Variants in COBL observed in about 807,000 individuals in gnomAD.
COBL encodes the protein cordon-bleu WH2 repeat protein.
COBL carries 51 observed loss-of-function variants against 98.8 expected under a neutral mutation model. The ratio of observed to expected loss-of-function variants is 0.52; its 90% confidence interval spans 0.41 to 0.65. The LOEUF is 0.65. Ranked by LOEUF, COBL falls within the 30% of genes least tolerant of loss-of-function variation. The pLI is 0.00. For missense variants in COBL, 1,617 were observed against 1,617.5 expected (o/e 1.00, Z 0.01); for synonymous variants, 634 against 651.7 (o/e 0.97, Z 0.41).
chr7:51,101,295 G>C (rs919781535), intron 6 of COBL, among the ~76,000 whole-genome samples: 14 of 152,218 alleles, frequency 9.2e-5, no homozygotes, highest in African/African-American at 3.1e-4. Flanking sequence ...TCTGGTAGAT[G>C]TATTTAGAGA....
chr7:51,100,060 T>C (rs1242383299), intron 6 of COBL, among the ~76,000 whole-genome samples: 1 of 152,208 alleles, frequency 6.6e-6, no homozygotes, highest in African/African-American at 2.4e-5. Flanking sequence ...TCCTGCCTAT[T>C]ATTTCCACCC....
At chr7:51,282,542 C>T (rs766980997) in intron 1 of COBL, among the ~76,000 whole-genome samples, 2 of 151,982 alleles carry the variant, frequency 1.3e-5, no homozygotes, top group African/African-American at 2.4e-5. Flanking sequence ...CTTCAATACA[C>T]CTGACAATGA....
chr7:51,175,857 T>A (rs1349304291), intron 5 of COBL, among the ~76,000 whole-genome samples: 2 of 152,212 alleles, frequency 1.3e-5, no homozygotes, highest in Admixed American at 6.5e-5. Context: ...GCTTATGGGC[T>A]CAGAGACAGC....
intron 1 of COBL, among the ~76,000 whole-genome samples, chr7:51,260,873 C>T (rs1797651217): frequency 6.6e-6 from 1 of 152,134 alleles, no homozygotes; most frequent in Admixed American, 6.5e-5. Flanking sequence ...TAACAGGGCA[C>T]TTGCATTTAG....
At chr7:51,235,171 T>C (rs1795133068) in intron 1 of COBL, among the ~76,000 whole-genome samples, 1 of 152,166 alleles carries the variant, frequency 6.6e-6, no homozygotes, top group Admixed American at 6.5e-5. Context: ...CCCAACCTGT[T>C]GACAGCCCAC....
chr7:51,201,540 A>G (rs1791125885), intron 2 of COBL, among the ~76,000 whole-genome samples: 1 of 152,198 alleles, frequency 6.6e-6, no homozygotes, highest in Non-Finnish European at 1.5e-5. Context: ...TTTACTCTCT[A>G]TAATGGATAG....
At chr7:51,101,096 C>T (rs1405401937) in intron 6 of COBL, among the ~76,000 whole-genome samples, 1 of 152,206 alleles carries the variant, frequency 6.6e-6, no homozygotes, top group Non-Finnish European at 1.5e-5. Context: ...TCTGGAAGTT[C>T]TTCTCCCAAA....
intron 1 of COBL, among the ~76,000 whole-genome samples, chr7:51,234,809 G>A (rs1351081301): frequency 1.3e-5 from 2 of 152,162 alleles, no homozygotes; most frequent in South Asian, 2.1e-4. Context: ...CTAGACCAGG[G>A]CACATGCTGT....
intron 3 of COBL, among the ~76,000 whole-genome samples, chr7:51,192,521 G>A (rs954622673): frequency 3.9e-5 from 6 of 152,118 alleles, no homozygotes; most frequent in African/African-American, 1.4e-4. Flanking sequence ...CAGAAGAACT[G>A]CTTGAACCTG....
Position 51,310,679 on chromosome 7 carries a change from T to C in COBL, c.41+5914A>G, listed in dbSNP as rs573184039. 4.6e-5 allele frequency among the ~76,000 whole-genome samples: 7 copies of C among 152,344 alleles called. No individual in the cohort carries two copies. The East Asian group carries it at 9.6e-4, about 21-fold the overall frequency. ...TTTGTTTTGTTTGGTTTGGTTTTTT[T>C]GAGACAGAGTCTCTTTCTGTCATCA... On this transcript the variant is annotated intron_variant, in intron 1 of 12. Coordinates refer to ENST00000265136, the MANE Select transcript of COBL (RefSeq NM_015198.5).
At chr7:51,186,325 T>C (rs1766668745) in intron 4 of COBL, among the ~76,000 whole-genome samples, 1 of 152,206 alleles carries the variant, frequency 6.6e-6, no homozygotes, top group Admixed American at 6.5e-5. Context: ...GCATATTGAA[T>C]GCATAGCACT....
chr7:51,229,101 C>T (rs1027303416), intron 1 of COBL, among the ~76,000 whole-genome samples: 1 of 152,154 alleles, frequency 6.6e-6, no homozygotes, highest in African/African-American at 2.4e-5. Flanking sequence ...GGCTTTCTAC[C>T]GCACAGCCAA....
rs1354544980 is a variant in COBL, at chr7:51,190,845, C to G, written c.685+5G>C. ...GCAGGTGCGTGAGACGCAGCGGGGC[C>G]TCACCTCTTCTGTTGTCCCACGCGT... On this transcript the variant is annotated splice_donor_5th_base_variant and intron_variant, in intron 4 of 12. Coordinates refer to ENST00000265136, the MANE Select transcript of COBL (RefSeq NM_015198.5). 3 of 1,612,548 alleles carry G rather than the reference C, an allele frequency of 1.9e-6. No homozygotes were observed. The highest frequency in any genetic ancestry group is 3.3e-5 in the Admixed American group (2 of 59,956).
intron 1 of COBL, among the ~76,000 whole-genome samples, chr7:51,253,942 C>T (rs909812409): frequency 1.3e-5 from 2 of 152,004 alleles, no homozygotes; most frequent in Non-Finnish European, 2.9e-5. Context: ...ATTCTGTTTT[C>T]TGAATATATA....
chr7:51,183,002 C>G (rs1236512897), intron 5 of COBL, among the ~76,000 whole-genome samples: 3 of 152,194 alleles, frequency 2.0e-5, no homozygotes, highest in African/African-American at 7.2e-5. Context: ...CGTGCTGGCT[C>G]TGCACGCAGA....
At chr7:51,018,578 T>A (rs1418301145) in intron 12 of COBL, among the ~76,000 whole-genome samples, 1 of 151,938 alleles carries the variant, frequency 6.6e-6, no homozygotes, top group South Asian at 2.1e-4. Context: ...TGTATCCCAA[T>A]ACAAATTCGT....
chr7:51,059,619 G>A (rs1412801651), intron 7 of COBL, among the ~76,000 whole-genome samples: 1 of 118,742 alleles, frequency 8.4e-6, no homozygotes, highest in African/African-American at 3.2e-5. Context: ...GGGATTGTTT[G>A]TAGATCAAAC....
At chr7:51,270,167 G>A (rs1288200779) in intron 1 of COBL, among the ~76,000 whole-genome samples, 1 of 152,142 alleles carries the variant, frequency 6.6e-6, no homozygotes, top group Non-Finnish European at 1.5e-5. Flanking sequence ...GAGCACACAG[G>A]GCTTGGCTGG....
At chr7:51,298,532 C>G (rs1178503474) in intron 1 of COBL, among the ~76,000 whole-genome samples, 1 of 152,230 alleles carries the variant, frequency 6.6e-6, no homozygotes, top group East Asian at 1.9e-4. Context: ...TCCCCCACCC[C>G]AGCAACAAAG....
Sources: gnomAD v4.1 joint callset for allele counts (sites outside exome capture counted in the v4.1 genomes callset) on GRCh38, gnomAD v4.1.1 for gene constraint, MANE v1.5 for transcripts, NCBI Gene and HGNC (gene_info 2026-07-23, HGNC 2026-07-21) for gene names.